MMP16: variants seen among roughly 807,000 people sequenced by gnomAD.
MMP16 encodes the protein matrix metallopeptidase 16.
MMP16 carries 12 observed loss-of-function variants against 67.8 expected under a neutral mutation model. The ratio of observed to expected loss-of-function variants is 0.18; its 90% confidence interval spans 0.11 to 0.29. The LOEUF is 0.29. Among genes scored for constraint, MMP16 ranks in the 10% least tolerant of loss-of-function variants. The pLI is 1.00. For synonymous variants in MMP16, 249 were observed against 255.9 expected (o/e 0.97, Z 0.26); for missense variants, 475 against 765.7 (o/e 0.62, Z 4.48).
intron 6 of MMP16, among the ~76,000 whole-genome samples, chr8:88,097,472 A>G (rs1163297094): frequency 6.6e-6 from 1 of 151,548 alleles, no homozygotes; most frequent in East Asian, 2.0e-4. Context: ...CAAAAAATAC[A>G]AAAATTAGCC....
intron 4 of MMP16, among the ~76,000 whole-genome samples, chr8:88,162,835 T>A (rs1049469039): frequency 6.6e-6 from 1 of 152,004 alleles, no homozygotes; most frequent in African/African-American, 2.4e-5. Context: ...CCTTCCACCA[T>A]GATTTTAAGT....
chr8:88,269,318 G>A (rs766860701), intron 1 of MMP16, among the ~76,000 whole-genome samples: 4 of 152,026 alleles, frequency 2.6e-5, no homozygotes, highest in Non-Finnish European at 4.4e-5. Context: ...CACTGTGAAT[G>A]ACCTAAAACA....
intron 6 of MMP16, among the ~76,000 whole-genome samples, chr8:88,098,875 GA>G (rs1809080768): frequency 6.6e-6 from 1 of 151,750 alleles, no homozygotes; most frequent in South Asian, 2.1e-4. Flanking sequence ...TTTATATGTT[GA>G]TAAAACTATA....
chr8:88,258,364 C>T (rs866376540), intron 1 of MMP16, among the ~76,000 whole-genome samples: 1 of 152,160 alleles, frequency 6.6e-6, no homozygotes, highest in African/African-American at 2.4e-5. Flanking sequence ...ATTTCCAAAA[C>T]TATGAATAAG....
intron 1 of MMP16, among the ~76,000 whole-genome samples, chr8:88,307,771 T>A (rs1386718858): frequency 6.6e-6 from 1 of 151,892 alleles, no homozygotes; most frequent in Non-Finnish European, 1.5e-5. Context: ...GGAGGCAAAA[T>A]TAAGTGTGAA....
intron 1 of MMP16, among the ~76,000 whole-genome samples, chr8:88,227,193 T>C (rs1458399022): frequency 6.6e-6 from 1 of 152,070 alleles, no homozygotes; most frequent in Non-Finnish European, 1.5e-5. Flanking sequence ...GACAGTAGGT[T>C]AAATCTTGGG....
chr8:88,309,243 C>T (rs979170630), intron 1 of MMP16, among the ~76,000 whole-genome samples: 1 of 151,816 alleles, frequency 6.6e-6, no homozygotes, highest in Non-Finnish European at 1.5e-5. Flanking sequence ...CTTTGTCCAG[C>T]AATTGGCAAT....
chr8:88,237,676 A>AACT, intron 1 of MMP16, among the ~76,000 whole-genome samples: 1 of 8,936 alleles, frequency 1.1e-4, no homozygotes, highest in South Asian at 0.031. Context: ...CAACAACAAC[A>AACT]ACAACAAAAA....
At chr8:88,135,360 A>AG (rs1167777896) in intron 4 of MMP16, among the ~76,000 whole-genome samples, 2 of 151,848 alleles carry the variant, frequency 1.3e-5, no homozygotes, top group Non-Finnish European at 2.9e-5. Context: ...CAATAAAATA[A>AG]GGTCCCAGTT....
chr8:88,059,770 T>C (rs572208335), intron 7 of MMP16, among the ~76,000 whole-genome samples: 7 of 152,042 alleles, frequency 4.6e-5, no homozygotes, highest in African/African-American at 1.7e-4. Context: ...TGGCTTCATC[T>C]GATAAGCAGA....
chr8:88,089,803 C>T (rs1225865643), intron 6 of MMP16, among the ~76,000 whole-genome samples: 2 of 151,808 alleles, frequency 1.3e-5, no homozygotes, highest in Admixed American at 6.6e-5. Flanking sequence ...AATAATAAAA[C>T]ACACCTCCCA....
intron 1 of MMP16, among the ~76,000 whole-genome samples, chr8:88,297,152 T>G (rs1013406943): frequency 6.6e-6 from 1 of 152,088 alleles, no homozygotes; most frequent in African/African-American, 2.4e-5. Flanking sequence ...GCTAAATACA[T>G]GTGTCTGACA....
At chr8:88,245,183 G>A (rs1810094430) in intron 1 of MMP16, among the ~76,000 whole-genome samples, 2 of 152,160 alleles carry the variant, frequency 1.3e-5, no homozygotes, top group Admixed American at 1.3e-4. Context: ...TATTGGAATT[G>A]AAATTCTTCT....
chr8:88,074,801 G>T, intron 6 of MMP16, 58 bp from the exon 7 acceptor site: 2 of 1,572,310 alleles, frequency 1.3e-6, no homozygotes, highest in Non-Finnish European at 1.7e-6. Context: ...GGCATTTCAC[G>T]GCGCAATGGC....
At chr8:88,217,559 G>C (rs151323709) in intron 1 of MMP16, among the ~76,000 whole-genome samples, 1 of 151,952 alleles carries the variant, frequency 6.6e-6, no homozygotes, top group Non-Finnish European at 1.5e-5. Flanking sequence ...TGTGGAACTG[G>C]CTTCATCATC....
chr8:88,234,891 C>A (rs142217085), intron 1 of MMP16, among the ~76,000 whole-genome samples: 33 of 152,288 alleles, frequency 2.2e-4, no homozygotes, highest in African/African-American at 7.7e-4. Context: ...CAAGTTACAG[C>A]CTGTGGGTAA....
intron 6 of MMP16, among the ~76,000 whole-genome samples, chr8:88,087,838 G>A (rs1194012282): frequency 6.6e-6 from 1 of 151,432 alleles, no homozygotes; most frequent in African/African-American, 2.4e-5. Context: ...CAGCTACTTG[G>A]AAGGCTGTGA....
intron 3 of MMP16, among the ~76,000 whole-genome samples, chr8:88,182,285 A>G (rs558978611): frequency 9.9e-5 from 15 of 152,240 alleles, no homozygotes; most frequent in African/African-American, 3.1e-4. Context: ...ATATACAGAA[A>G]ATCTTAAAAC....
In MMP16 at chr8:88,319,229, A is replaced by G. The variant is rs73292466; in HGVS notation, c.132+7846T>C. On this transcript the variant is annotated intron_variant, in intron 1 of 9. Coordinates refer to ENST00000286614, the MANE Select transcript of MMP16 (RefSeq NM_005941.5). ...CAAACCTCCAAAAAGGATTTTAGTC[A>G]TATCTTAGTAGTGCTCTTGACTTTT... is the stretch of plus-strand genomic sequence containing the variant. Among the ~76,000 whole-genome samples the G allele has an allele frequency of 3.1e-3, 478 of 152,272 alleles. 3 individuals carry two copies. The highest frequency in any genetic ancestry group is 0.011 in the African/African-American group (442 of 41,560).
Sources: allele counts gnomAD v4.1 joint callset (sites outside exome capture counted in the v4.1 genomes callset), GRCh38; gene constraint gnomAD v4.1.1; transcripts MANE v1.5; gene names NCBI Gene and HGNC (gene_info 2026-07-23, HGNC 2026-07-21).